Variants in ADAMTS3 observed in about 807,000 individuals in gnomAD.
ADAMTS3 encodes the protein A disintegrin and metalloproteinase with thrombospondin motifs 3.
ADAMTS3 carries 73 observed loss-of-function variants against 129.0 expected under a neutral mutation model. That is an observed-to-expected ratio of 0.57 (90% CI 0.47 to 0.69). The LOEUF (loss-of-function observed/expected upper bound fraction) is 0.69, where lower values mean the gene tolerates loss of function less well. ADAMTS3 is among the 30% of genes least tolerant of loss of function. The pLI, the probability that ADAMTS3 is intolerant of heterozygous loss-of-function variation, is 0.00. For missense variants in ADAMTS3, 1,457 were observed against 1,514.5 expected, an observed-to-expected ratio of 0.96 and a Z score of 0.63; for synonymous variants, 477 against 510.8, an observed-to-expected ratio of 0.93 and a Z score of 0.89.
At chr4:72,342,206 C>A (rs1309893395) in intron 4 of ADAMTS3, among the ~76,000 whole-genome samples, 1 of 152,126 alleles carries the variant, frequency 6.6e-6, no homozygotes, top group African/African-American at 2.4e-5. Flanking sequence ...ATGATCATAG[C>A]CCTTCCCACA....
At chr4:72,532,934 A>G (rs1721083116) in intron 3 of ADAMTS3, among the ~76,000 whole-genome samples, 1 of 152,146 alleles carries the variant, frequency 6.6e-6, no homozygotes, top group South Asian at 2.1e-4. Context: ...AGTGAGTGGT[A>G]AGTAAAAGTA....
chr4:72,565,107 T>C (rs989778830), intron 2 of ADAMTS3, among the ~76,000 whole-genome samples: 2 of 152,196 alleles, frequency 1.3e-5, no homozygotes, highest in Admixed American at 6.5e-5. Context: ...CTCCTACATC[T>C]ATACTACACT....
At chr4:72,427,970 G>A (rs1168424634) in intron 3 of ADAMTS3, among the ~76,000 whole-genome samples, 1 of 151,988 alleles carries the variant, frequency 6.6e-6, no homozygotes, top group Non-Finnish European at 1.5e-5. Context: ...AGAAAATGAA[G>A]TTTAAAAAAA....
intron 3 of ADAMTS3, among the ~76,000 whole-genome samples, chr4:72,474,798 G>A (rs904523202): frequency 6.6e-6 from 1 of 151,964 alleles, no homozygotes; most frequent in East Asian, 1.9e-4. Context: ...AGGCCGAGGC[G>A]GGTGGATCAC....
rs1030357318 is a variant in ADAMTS3, at chr4:72,320,859, G to A, written c.957C>T (p.Leu319=). 1 of 1,613,686 alleles carries A rather than the reference G, an allele frequency of 6.2e-7. No homozygotes were observed. The highest frequency in any genetic ancestry group is 1.7e-5 in the Admixed American group (1 of 59,968). ...TTCTGGATGGGTTTCCCCTTTCTAT[G>A]AGGCTGATGGACTAAGTGAAAACAA... ...IMLGYAKSIS[L]IERGNPSRSL... Residue 319 remains leucine (L), a synonymous_variant, in exon 7 of 22, where the codon CTC becomes CTT. Coordinates refer to ENST00000286657, the MANE Select transcript of ADAMTS3 (RefSeq NM_014243.3).
chr4:72,399,739 C>T (rs540942749), intron 4 of ADAMTS3, among the ~76,000 whole-genome samples: 13 of 149,398 alleles, frequency 8.7e-5, no homozygotes, highest in East Asian at 2.0e-4. Flanking sequence ...TATACACACA[C>T]GGTGTGTACG....
chr4:72,304,020 G>T lies in ADAMTS3; in HGVS notation c.2321C>A (p.Ser774Ter), dbSNP rs759103275. The T allele has an allele frequency of 6.2e-7, 1 of 1,613,678 alleles. No individual in the cohort carries two copies. Among genetic ancestry groups the T allele is most frequent in the Non-Finnish European group, 8.5e-7 (1 of 1,179,716 alleles). Reference protein sequence around the residue: ...ILNGKGEEAKSRTFIDLGVEW... With the variant: ...ILNGKGEEAK ...CACACCAAGATCTATGAAGGTCCGC[G>T]ACTTGGCTTCCTCCCCTTTGCCATT... is the stretch of plus-strand genomic sequence containing the variant. Residue 774 changes from serine (S) to a stop codon, truncating the protein, a stop_gained, in exon 17 of 22, where the codon TCG becomes TAG. Transcript: ENST00000286657. LOFTEE classifies it high-confidence loss of function.
At position 72,438,184 on chromosome 4, in the gene ADAMTS3, T is replaced by C. The variant is rs115470474; in HGVS notation, c.505-23213A>G. Among the ~76,000 whole-genome samples, 318 of 151,770 alleles carry C rather than the reference T, an allele frequency of 2.1e-3. 1 individual carries two copies. Among genetic ancestry groups the C allele is most frequent in the African/African-American group, 7.4e-3 (306 of 41,498 alleles). The stretch of plus-strand genomic sequence containing the variant: ...AGATAAGGAAGGATTTCTGGTCACA[T>C]AAACAAAGTCTGCTGAAAGATCCAT... On this transcript the variant is annotated intron_variant, in intron 3 of 21. Coordinates refer to ENST00000286657, the MANE Select transcript of ADAMTS3 (RefSeq NM_014243.3).
intron 4 of ADAMTS3, among the ~76,000 whole-genome samples, chr4:72,382,750 C>T (rs1247078636): frequency 3.3e-5 from 5 of 152,098 alleles, no homozygotes; most frequent in Non-Finnish European, 5.9e-5. Context: ...TAGCTGGAGG[C>T]TGTTATCCTA....
At chr4:72,339,419 A>T (rs944972092) in intron 5 of ADAMTS3, 75 bp downstream of exon 5, 4 of 1,455,120 alleles carry the variant, frequency 2.7e-6, no homozygotes, top group Non-Finnish European at 3.8e-6. Flanking sequence ...TCTCACACAG[A>T]TTGCCAAAGG....
chr4:72,499,434 A>C (rs2110022210), intron 3 of ADAMTS3, among the ~76,000 whole-genome samples: 1 of 152,246 alleles, frequency 6.6e-6, no homozygotes, highest in East Asian at 1.9e-4. Flanking sequence ...TATTTATACA[A>C]GTCAATATAA....
chr4:72,314,499 G>C (rs1446805519), intron 11 of ADAMTS3, among the ~76,000 whole-genome samples: 1 of 152,174 alleles, frequency 6.6e-6, no homozygotes, highest in African/African-American at 2.4e-5. Flanking sequence ...TGGTGCTCAA[G>C]AGACATTAGC....
At chr4:72,486,701 A>G (rs2110011149) in intron 3 of ADAMTS3, among the ~76,000 whole-genome samples, 1 of 152,314 alleles carries the variant, frequency 6.6e-6, no homozygotes, top group African/African-American at 2.4e-5. Context: ...TGGAAGAAAG[A>G]GTTTAAGAAC....
At chr4:72,312,568 GC>G in intron 12 of ADAMTS3, 102 bp from the exon 13 acceptor site, 1 of 1,139,674 alleles carries the variant, frequency 8.8e-7, no homozygotes, top group South Asian at 1.6e-5. Flanking sequence ...TTTCTGGGCT[GC>G]CAGCACAAAG....
rs769685306 is a variant in ADAMTS3, at chr4:72,401,490, TG to T, written c.661+13324del. On this transcript the variant is annotated intron_variant, in intron 4 of 21. Transcript: ENST00000286657. ...GCTGAGGTAGGAGAATCACTTGAAC[TG>T]GGGGGGTGGAGGTTGCAGTGGGCTG... Among the ~76,000 whole-genome samples the T allele has an allele frequency of 7.5e-5, 9 of 119,532 alleles. No individual in the cohort carries two copies. The East Asian group carries it at 2.0e-3, about 26-fold the overall frequency. 78.4% of individuals were successfully genotyped at this position (119,532 alleles called of 152,430 possible). A position where few individuals can be genotyped will look rare whatever the true frequency, so the allele number is the denominator to read the frequency against.
At chr4:72,474,025 T>C (rs891832170) in intron 3 of ADAMTS3, among the ~76,000 whole-genome samples, 5 of 151,748 alleles carry the variant, frequency 3.3e-5, no homozygotes, top group Admixed American at 6.6e-5. Flanking sequence ...ACACAAACTT[T>C]TATCTACACC....
At chr4:72,524,614 T>C (rs1720761721) in intron 3 of ADAMTS3, among the ~76,000 whole-genome samples, 1 of 152,054 alleles carries the variant, frequency 6.6e-6, no homozygotes, top group African/African-American at 2.4e-5. Context: ...CTTAGAATGA[T>C]TTTATAGCCG....
intron 3 of ADAMTS3, among the ~76,000 whole-genome samples, chr4:72,439,031 G>A (rs917559102): frequency 8.6e-5 from 13 of 151,616 alleles, no homozygotes; most frequent in African/African-American, 3.1e-4. Context: ...TGAAATCAAC[G>A]AAATCTTCTC....
chr4:72,520,512 C>A (rs1377400538), intron 3 of ADAMTS3, among the ~76,000 whole-genome samples: 2 of 152,238 alleles, frequency 1.3e-5, no homozygotes, highest in African/African-American at 2.4e-5. Flanking sequence ...AGCTTCCCGG[C>A]TGCTTTGTTT....
Sources: allele counts gnomAD v4.1 joint callset (sites outside exome capture counted in the v4.1 genomes callset), GRCh38; gene constraint gnomAD v4.1.1; transcripts MANE v1.5; gene names NCBI Gene and HGNC (gene_info 2026-07-23, HGNC 2026-07-21).